HIRA: variants seen among roughly 807,000 people sequenced by gnomAD.
HIRA encodes the protein histone cell cycle regulator, also known as protein HIRA.
Under a neutral mutation model 126.6 loss-of-function variants are expected in HIRA, and 13 were observed. The observed-to-expected ratio is 0.10, with a 90% CI of 0.07 to 0.16. The LOEUF (loss-of-function observed/expected upper bound fraction) is 0.16. HIRA is among the 10% of genes least tolerant of loss of function. The pLI, the probability that HIRA is intolerant of heterozygous loss-of-function variation, is 1.00. For synonymous variants in HIRA, 511 were observed against 520.0 expected (o/e 0.98, Z 0.24); for missense variants, 834 against 1,314.4 (o/e 0.63, Z 5.65).
At position 19,377,859 on chromosome 22, in the gene HIRA, AC is replaced by A; in HGVS notation, c.1613+9del. ...CCCAGGGACAGGAACAAGCCTTGGC[AC>A]CCACTAACCTGTCTTTATTGACAGA... On this transcript the variant is annotated intron_variant, in intron 14 of 24. Coordinates refer to ENST00000263208, the MANE Select transcript of HIRA (RefSeq NM_003325.4). 11 of 1,593,314 alleles carry A rather than the reference AC, an allele frequency of 6.9e-6. No individual in the cohort carries two copies. The highest frequency in any genetic ancestry group is 9.4e-6 in the Non-Finnish European group (11 of 1,168,916).
chr22:19,412,254 G>C (rs2089359089), intron 1 of HIRA, among the ~76,000 whole-genome samples: 1 of 152,132 alleles, frequency 6.6e-6, no homozygotes, highest in Non-Finnish European at 1.5e-5. Context: ...GCATCAAAGA[G>C]CCCGGACAAG....
At chr22:19,394,090 G>A (rs1442004592) in intron 8 of HIRA, among the ~76,000 whole-genome samples, 4 of 152,180 alleles carry the variant, frequency 2.6e-5, no homozygotes, top group Non-Finnish European at 5.9e-5. Context: ...AGCCAGGTGA[G>A]GGTGGCACCG....
intron 24 of HIRA, among the ~76,000 whole-genome samples, chr22:19,348,929 GCAC>G (rs1556009865): frequency 5.9e-5 from 9 of 151,546 alleles, no homozygotes; most frequent in Middle Eastern, 3.4e-3. Flanking sequence ...GGGATTACAG[GCAC>G]ATGTCACCAA....
intron 5 of HIRA, among the ~76,000 whole-genome samples, chr22:19,398,851 C>T (rs1396150001): frequency 1.3e-5 from 2 of 152,018 alleles, no homozygotes; most frequent in East Asian, 1.9e-4. Context: ...TGCCTGTATC[C>T]CCAGCTACAC....
At chr22:19,380,514 T>TAA (rs1219576835) in intron 13 of HIRA, among the ~76,000 whole-genome samples, 1 of 152,258 alleles carries the variant, frequency 6.6e-6, no homozygotes, top group African/African-American at 2.4e-5. Flanking sequence ...TATGACAGCT[T>TAA]TTAAGTCTTA....
At chr22:19,339,447 C>G (rs2088601900) in intron 24 of HIRA, among the ~76,000 whole-genome samples, 1 of 151,878 alleles carries the variant, frequency 6.6e-6, no homozygotes, top group African/African-American at 2.4e-5. Flanking sequence ...CCAGCCTGGC[C>G]AAAATGCCAA....
At position 19,356,909 on chromosome 22, in the gene HIRA, C is replaced by A; in HGVS notation, c.2377G>T (p.Ala793Ser). ...TCTCACCAGACAGAGAGTGTGGCTG[C>A]AGCGGTGAGCGCCATGACGTAGGAG... The part of the protein sequence containing the change: ...TGSYVMALTA[A>S]ATLSVWDVHR... Residue 793 changes from alanine (A) to serine (S), a missense_variant, in exon 19 of 25, where the codon GCA (alanine) becomes TCA (serine). By Grantham distance (99) the Ala-to-Ser change is moderately conservative. Transcript: ENST00000263208. The A allele has an allele frequency of 6.2e-7, 1 of 1,613,746 alleles. No individual in the cohort carries two copies. Among genetic ancestry groups the A allele is most frequent in the Non-Finnish European group, 8.5e-7 (1 of 1,179,938 alleles).
At position 19,405,118 on chromosome 22, in the gene HIRA, TTG is replaced by T. The variant is rs76082675; in HGVS notation, c.397+666_397+667del. Among the ~76,000 whole-genome samples, 181 of 152,292 alleles carry T rather than the reference TTG, an allele frequency of 1.2e-3. 2 individuals carry two copies. The East Asian group carries it at 0.031, about 26-fold the overall frequency. On this transcript the variant is annotated intron_variant, in intron 5 of 24. Transcript: ENST00000263208. ...GCCTCACTTTGTGCTGCTCCCTGCCTTGTCTATAAAGATCCAGCCATGGTGAA... is the reference window on the plus strand; with the variant it reads ...GCCTCACTTTGTGCTGCTCCCTGCCTTCTATAAAGATCCAGCCATGGTGAA...
chr22:19,343,873 G>A (rs2088658311), intron 24 of HIRA, among the ~76,000 whole-genome samples: 1 of 93,110 alleles, frequency 1.1e-5, no homozygotes, highest in Admixed American at 1.5e-4. Flanking sequence ...CCACAGTGAG[G>A]GGAAAAAAAA....
intron 17 of HIRA, among the ~76,000 whole-genome samples, chr22:19,359,844 C>G (rs191320582): frequency 6.6e-6 from 1 of 152,350 alleles, no homozygotes; most frequent in Non-Finnish European, 1.5e-5. Flanking sequence ...AAGGACCGAG[C>G]TGGGAGTGAG....
chr22:19,332,936 T>C (rs2088509642), intron 24 of HIRA, among the ~76,000 whole-genome samples: 3 of 152,132 alleles, frequency 2.0e-5, no homozygotes, highest in Admixed American at 2.0e-4. Context: ...TGAGACAGGG[T>C]CTAGCTCTGT....
chr22:19,356,385 C>T (rs781789008), intron 19 of HIRA, 97 bp from the exon 20 acceptor site: 36 of 1,044,798 alleles, frequency 3.4e-5, no homozygotes, highest in African/African-American at 4.7e-5. Flanking sequence ...CTGCATGCGA[C>T]CCTAACCCTG....
intron 2 of HIRA, among the ~76,000 whole-genome samples, chr22:19,409,177 AC>A (rs1222169101): frequency 3.9e-5 from 6 of 152,102 alleles, no homozygotes; most frequent in Non-Finnish European, 8.8e-5. Context: ...CTTTGCAGTT[AC>A]CTACAGACGA....
intron 5 of HIRA, among the ~76,000 whole-genome samples, chr22:19,400,081 CCA>C (rs2089255288): frequency 6.6e-6 from 1 of 152,164 alleles, no homozygotes. Flanking sequence ...TTAGCAATCT[CCA>C]CAGACACATA....
At chr22:19,386,224 A>G (rs572247200) in intron 11 of HIRA, among the ~76,000 whole-genome samples, 1 of 152,290 alleles carries the variant, frequency 6.6e-6, no homozygotes, top group East Asian at 1.9e-4. Context: ...GAGTATGGGA[A>G]GGCCTGGCAC....
chr22:19,352,946 G>A (rs2088773450), intron 23 of HIRA, among the ~76,000 whole-genome samples: 2 of 152,256 alleles, frequency 1.3e-5, no homozygotes, highest in Non-Finnish European at 2.9e-5. Context: ...AGTAAGTGCA[G>A]GACATCAGGC....
intron 15 of HIRA, among the ~76,000 whole-genome samples, chr22:19,363,903 G>GA (rs1181636797): frequency 1.3e-5 from 2 of 151,908 alleles, no homozygotes; most frequent in Non-Finnish European, 2.9e-5. Flanking sequence ...ACTCTGTCTC[G>GA]AAAAAACCCA....
chr22:19,374,307 G>A (rs1601826922), intron 15 of HIRA, among the ~76,000 whole-genome samples: 1 of 151,976 alleles, frequency 6.6e-6, no homozygotes, highest in African/African-American at 2.4e-5. Context: ...ATAGACATAA[G>A]CCACAACACC....
In HIRA at chr22:19,361,827, G is replaced by C; in HGVS notation, c.1880C>G (p.Ser627Cys). The C allele has an allele frequency of 6.2e-7, 1 of 1,614,104 alleles. No individual in the cohort carries two copies. The highest frequency in any genetic ancestry group is 8.5e-7 in the Non-Finnish European group (1 of 1,180,018). Residue 627 changes from serine to cysteine, a missense_variant, in exon 16 of 25, where the codon TCC becomes TGC. Physicochemically the swap from Ser to Cys is moderately radical, Grantham distance 112 (BLOSUM62 -1). Around this residue, in one of 5 missense-constraint regions of HIRA, gnomAD observed 468 missense variants for 574.2 expected, o/e 0.82. Transcript: ENST00000263208. The part of the protein sequence containing the change: ...KVPLAKASSL[S>C]KRKLELEVET... ...TACCTCAAGCTCAAGTTTTCGCTTGGACAGTGAGGAAGCCTTAGCCAAAGG... is the reference window on the plus strand; with the variant it reads ...TACCTCAAGCTCAAGTTTTCGCTTGCACAGTGAGGAAGCCTTAGCCAAAGG...
Sources: allele counts gnomAD v4.1 joint callset (sites outside exome capture counted in the v4.1 genomes callset), GRCh38; gene constraint gnomAD v4.1.1; regional missense constraint gnomAD v4.1.1; transcripts MANE v1.5; gene names NCBI Gene and HGNC (gene_info 2026-07-23, HGNC 2026-07-21).